Variants in ABCC11 observed in about 807,000 individuals in gnomAD.
ABCC11 encodes the protein ATP binding cassette subfamily C member 11.
In ABCC11, 135 loss-of-function variants were observed where a neutral mutation model predicts 149.3. The observed-to-expected ratio is 0.90, with a 90% CI of 0.79 to 1.04. ABCC11 has a LOEUF of 1.04. Ranked by LOEUF, ABCC11 falls within the 50% of genes least tolerant of loss-of-function variation. The pLI is 0.00. For missense variants in ABCC11, 1,680 were observed against 1,722.1 expected (o/e 0.98, Z 0.43); for synonymous variants, 665 against 671.4 (o/e 0.99, Z 0.15).
At chr16:48,181,149 C>A (rs982483397) in intron 23 of ABCC11, among the ~76,000 whole-genome samples, 1 of 152,156 alleles carries the variant, frequency 6.6e-6, no homozygotes, top group Admixed American at 6.5e-5. Flanking sequence ...GAAGCAGCAG[C>A]GGGAGGGATT....
chr16:48,208,405 T>A lies in ABCC11; in HGVS notation c.1680+20A>T, dbSNP rs1035117970. 3 of 1,613,790 alleles carry A rather than the reference T, an allele frequency of 1.9e-6. No homozygotes were observed. The highest frequency in any genetic ancestry group is 2.5e-6 in the Non-Finnish European group (3 of 1,179,858). ...TGGACTGCCTGCAGACAGGCAAGCA[T>A]GTGGCCACAGATCACTTACCTCCTC... is the stretch of plus-strand genomic sequence containing the variant. On this transcript the variant is annotated intron_variant, in intron 12 of 29. Coordinates refer to ENST00000356608, the MANE Select transcript of ABCC11 (RefSeq NM_001370497.1).
chr16:48,171,967 C>T (rs1418217088), intron 26 of ABCC11, among the ~76,000 whole-genome samples: 1 of 151,942 alleles, frequency 6.6e-6, no homozygotes, highest in Admixed American at 6.6e-5. Context: ...GGTCTCAGAA[C>T]AAAACAAAAC....
chr16:48,243,401 CAAAAAAAA>C (rs541776018), intron 1 of ABCC11, among the ~76,000 whole-genome samples: 1 of 72,834 alleles, frequency 1.4e-5, no homozygotes, highest in Non-Finnish European at 2.9e-5. Context: ...GACTCCGTCT[CAAAAAAAA>C]AAAAAAAAAA....
chr16:48,219,533 A>G (rs927170889), intron 6 of ABCC11, among the ~76,000 whole-genome samples: 2 of 152,226 alleles, frequency 1.3e-5, no homozygotes, highest in Non-Finnish European at 2.9e-5. Flanking sequence ...ATCTCTGGGC[A>G]CAGGGGAAGA....
At chr16:48,195,052 C>T (rs141854265) in intron 18 of ABCC11, among the ~76,000 whole-genome samples, 3 of 152,306 alleles carry the variant, frequency 2.0e-5, no homozygotes, top group East Asian at 3.9e-4. Context: ...TCTAGCACTC[C>T]TCTCATCTAT....
chr16:48,185,272 T>C (rs2150761168), intron 22 of ABCC11, among the ~76,000 whole-genome samples: 1 of 152,358 alleles, frequency 6.6e-6, no homozygotes, highest in Non-Finnish European at 1.5e-5. Context: ...ACCAAGAAAT[T>C]AAAAAGTTTA....
chr16:48,167,778 C>T (rs1002265274), intron 28 of ABCC11, 118 bp from the exon 29 acceptor site: 12 of 1,181,920 alleles, frequency 1.0e-5, no homozygotes, highest in Non-Finnish European at 1.3e-5. Context: ...ATTTCTTTAG[C>T]TGGGAAATGG....
chr16:48,179,764 C>T (rs564099377), intron 23 of ABCC11, among the ~76,000 whole-genome samples: 97 of 152,342 alleles, frequency 6.4e-4, no homozygotes, highest in Admixed American at 1.2e-3. Context: ...CAAGAAGAGT[C>T]AGTCCTAGAG....
rs894966871 is a variant in ABCC11, at chr16:48,222,506, C to T, written c.777+92G>A. On this transcript the variant is annotated intron_variant, in intron 6 of 29. Coordinates refer to ENST00000356608, the MANE Select transcript of ABCC11 (RefSeq NM_001370497.1). ...TTCTCTTTCTCCTTCCTCTTCTAAC[C>T]CCCTTTTCTCCCTCTCTTGGCCCCC... The T allele has an allele frequency of 6.7e-6, 7 of 1,049,568 alleles. No individual in the cohort carries two copies. The African/African-American group carries it at 9.6e-5, about 14-fold the overall frequency. 65.0% of individuals were successfully genotyped at this position (1,049,568 alleles called of 1,614,324 possible).
At chr16:48,228,052 T>A in intron 3 of ABCC11, 88 bp from the exon 4 acceptor site, 1 of 927,092 alleles carries the variant, frequency 1.1e-6, no homozygotes, top group Non-Finnish European at 1.4e-6. Flanking sequence ...ACAACGAGGT[T>A]ACCCAGATCT....
At chr16:48,186,890 C>T (rs546792480) in intron 22 of ABCC11, 63 bp downstream of exon 22, 2 of 1,591,170 alleles carry the variant, frequency 1.3e-6, no homozygotes, top group South Asian at 1.1e-5. Flanking sequence ...ACGCTCCATT[C>T]TTTCCCTGCT....
At position 48,167,236 on chromosome 16, in the gene ABCC11, A is replaced by G. The variant is rs1340455643; in HGVS notation, c.*38T>C. On this transcript the variant is annotated 3_prime_UTR_variant, in exon 30 of 30. Coordinates refer to ENST00000356608, the MANE Select transcript of ABCC11 (RefSeq NM_001370497.1). Reference sequence around the variant, plus strand: ...GAAGCTGCACCTGTGTGAACCTCTGAGCTCAGCTGCCAGCCTCCATGAAGT... The same window carrying G: ...GAAGCTGCACCTGTGTGAACCTCTGGGCTCAGCTGCCAGCCTCCATGAAGT... The G allele has an allele frequency of 1.3e-6, 1 of 780,866 alleles. No homozygotes were observed. The allele number at this position is 780,866 out of a possible 1,614,324, so 48.4% of individuals were successfully genotyped here.
At chr16:48,212,610 T>C (rs1376723661) in intron 10 of ABCC11, among the ~76,000 whole-genome samples, 1 of 152,162 alleles carries the variant, frequency 6.6e-6, no homozygotes, top group African/African-American at 2.4e-5. Flanking sequence ...TCTAATCCTC[T>C]TTGATCATTA....
rs576942650 is a variant in ABCC11 at position 48,216,497 on chromosome 16, A to G, written c.778-210T>C. Among the ~76,000 whole-genome samples, 3 of 152,348 alleles carry G rather than the reference A, an allele frequency of 2.0e-5. 1 individual carries two copies. The South Asian group carries it at 6.2e-4, about 32-fold the overall frequency. On this transcript the variant is annotated intron_variant, in intron 6 of 29. Coordinates refer to ENST00000356608, the MANE Select transcript of ABCC11 (RefSeq NM_001370497.1). The stretch of plus-strand genomic sequence containing the variant: ...TACCACTCTGAGCCTCAGCTTCTCC[A>G]TCTGTAAAGCTGGAATAATTATACT...
intron 18 of ABCC11, among the ~76,000 whole-genome samples, chr16:48,194,748 C>T (rs755057316): frequency 5.3e-5 from 8 of 152,176 alleles, no homozygotes; most frequent in Admixed American, 2.6e-4. Flanking sequence ...GCGTTCAAGG[C>T]GCCATCTTGG....
chr16:48,209,000 T>A (rs369631259), intron 11 of ABCC11, among the ~76,000 whole-genome samples: 7 of 152,228 alleles, frequency 4.6e-5, no homozygotes, highest in South Asian at 2.1e-4. Flanking sequence ...GCTGAGGGGA[T>A]GGGAAGACAG....
chr16:48,218,901 T>C (rs1969534605), intron 6 of ABCC11, among the ~76,000 whole-genome samples: 1 of 152,010 alleles, frequency 6.6e-6, no homozygotes, highest in South Asian at 2.1e-4. Flanking sequence ...CTAATACAAA[T>C]AAGGACGATC....
intron 13 of ABCC11, among the ~76,000 whole-genome samples, chr16:48,203,795 G>A (rs997997405): frequency 4.6e-5 from 7 of 152,178 alleles, no homozygotes; most frequent in Admixed American, 2.0e-4. Context: ...TTGAACCAGG[G>A]AGGCGGAAAG....
At chr16:48,226,631 TATC>T (rs1970093076) in intron 4 of ABCC11, among the ~76,000 whole-genome samples, 1 of 152,186 alleles carries the variant, frequency 6.6e-6, no homozygotes, top group Admixed American at 6.5e-5. Context: ...ACTTGTCTGA[TATC>T]ATAGTAAGAG....
Sources: allele counts gnomAD v4.1 joint callset (sites outside exome capture counted in the v4.1 genomes callset), GRCh38; gene constraint gnomAD v4.1.1; transcripts MANE v1.5; gene names NCBI Gene and HGNC (gene_info 2026-07-23, HGNC 2026-07-21).